The following OR6B3 variants were observed in gnomAD, a reference collection of about 807,000 sequenced individuals.
OR6B3 encodes the protein olfactory receptor 6B3.
For missense variants in OR6B3, 315 were observed against 427.4 expected, an observed-to-expected ratio of 0.74 and a Z score of 2.32; for synonymous variants, 148 against 187.8, an observed-to-expected ratio of 0.79 and a Z score of 1.73.
intron 1 of OR6B3, among the ~76,000 whole-genome samples, chr2:240,046,464 G>A (rs1397063305): frequency 6.6e-6 from 1 of 152,160 alleles, no homozygotes; most frequent in African/African-American, 2.4e-5. Flanking sequence ...AGCCCTGACT[G>A]CCCCAGGCTT....
intron 1 of OR6B3, 71 bp from the exon 3 acceptor site, chr2:240,046,168 C>T (rs1339735091): frequency 9.0e-7 from 1 of 1,112,260 alleles, no homozygotes; most frequent in African/African-American, 1.6e-5. Context: ...GGAGCTGGAC[C>T]TGGATAGGGA....
chr2:240,048,682 G>A (rs6739443), upstream of OR6B3, among the ~76,000 whole-genome samples: 2,410 of 152,290 alleles, frequency 0.016, 59 homozygotes, highest in African/African-American at 0.055. Flanking sequence ...AGTGACAGGG[G>A]TCTGCCCAAA....
At chr2:240,050,554 A>C (rs1698243430), upstream of OR6B3, among the ~76,000 whole-genome samples, 1 of 152,080 alleles carries the variant, frequency 6.6e-6, no homozygotes, top group African/African-American at 2.4e-5. Context: ...TCTCTACTAA[A>C]AATACAAAAC....
chr2:240,053,424 C>G, the OR6B3 span, among the ~76,000 whole-genome samples: 1 of 152,234 alleles, frequency 6.6e-6, no homozygotes, highest in African/African-American at 2.4e-5. The surrounding 1 kb of genome is among the most constrained non-coding windows in gnomAD (Gnocchi z 4.1). Flanking sequence ...TGGCCCCTCT[C>G]TCTGGGAGCA....
At chr2:240,050,721 CAAAA>C (rs61309204), upstream of OR6B3, among the ~76,000 whole-genome samples, 2 of 57,344 alleles carry the variant, frequency 3.5e-5, no homozygotes, top group African/African-American at 9.1e-5. Flanking sequence ...CTCAAAGAGA[CAAAA>C]AAAAAAAAAA....
chr2:240,052,640 T>A, the OR6B3 span, among the ~76,000 whole-genome samples: 1 of 152,148 alleles, frequency 6.6e-6, no homozygotes, highest in South Asian at 2.1e-4. The surrounding 1 kb of genome is among the most constrained non-coding windows in gnomAD (Gnocchi z 4.5). Flanking sequence ...GCATTTCAGA[T>A]GGACAGAGCC....
the OR6B3 span, among the ~76,000 whole-genome samples, chr2:240,052,991 C>T: frequency 2.6e-5 from 4 of 152,066 alleles, no homozygotes; most frequent in Admixed American, 6.5e-5. This position sits in a 1 kb window ranked among gnomAD's most constrained non-coding sequence, Gnocchi z 4.5. Context: ...TTAGTAGAGA[C>T]GGGATTTCGC....
At chr2:240,046,127 G>A in intron 1 of OR6B3, 30 bp from the exon 3 acceptor site, 1 of 1,454,080 alleles carries the variant, frequency 6.9e-7, no homozygotes, top group South Asian at 1.3e-5. Flanking sequence ...AAGAGGAAAG[G>A]GCTGCAGGGA....
At chr2:240,046,168 C>G (rs1339735091) in intron 1 of OR6B3, 71 bp from the exon 3 acceptor site, 2 of 1,112,260 alleles carry the variant, frequency 1.8e-6, no homozygotes, top group Non-Finnish European at 2.6e-6. Flanking sequence ...GGAGCTGGAC[C>G]TGGATAGGGA....
At chr2:240,052,838 G>A in the OR6B3 span, among the ~76,000 whole-genome samples, 1 of 152,050 alleles carries the variant, frequency 6.6e-6, no homozygotes, top group African/African-American at 2.4e-5. The surrounding 1 kb of genome is among the most constrained non-coding windows in gnomAD (Gnocchi z 4.5). Flanking sequence ...TTGAGACAGA[G>A]TCTCACTCTG....
chr2:240,051,736 G>A (rs780855670), upstream of OR6B3, among the ~76,000 whole-genome samples: 1 of 152,176 alleles, frequency 6.6e-6, no homozygotes, highest in Non-Finnish European at 1.5e-5. Flanking sequence ...AAGAGACTTC[G>A]AGGTTAGCAA....
chr2:240,046,922 A>C (rs1698200079), intron 1 of OR6B3, 30 bp downstream of exon 2: 1 of 152,246 alleles, frequency 6.6e-6, no homozygotes, highest in Non-Finnish European at 1.5e-5. Context: ...GGAAAGTCTG[A>C]GACCCAAAAA....
chr2:240,048,480 G>A (rs1044228813), upstream of OR6B3, among the ~76,000 whole-genome samples: 18 of 152,050 alleles, frequency 1.2e-4, no homozygotes, highest in Non-Finnish European at 2.5e-4. Flanking sequence ...GCCGGCTGCA[G>A]GGCTGGTGGA....
chr2:240,046,057 C>T (rs1172889059), exon 2 of OR6B3: 8 of 1,613,026 alleles, frequency 5.0e-6, no homozygotes, highest in African/African-American at 1.3e-5. Context: ...ACCCTGGTGA[C>T]ATTCTCCCCA....
upstream of OR6B3, among the ~76,000 whole-genome samples, chr2:240,050,378 T>A (rs1314068308): frequency 2.0e-5 from 3 of 152,148 alleles, no homozygotes; most frequent in African/African-American, 4.8e-5. Flanking sequence ...GAATAATATA[T>A]CCTCAACACG....
the OR6B3 span, among the ~76,000 whole-genome samples, chr2:240,052,781 T>A: frequency 3.3e-5 from 5 of 152,218 alleles, no homozygotes; most frequent in Non-Finnish European, 7.3e-5. This position sits in a 1 kb window ranked among gnomAD's most constrained non-coding sequence, Gnocchi z 4.5. Context: ...AGCACTGATT[T>A]TTAAAGAATA....
At chr2:240,048,590 C>G (rs1431243532), upstream of OR6B3, among the ~76,000 whole-genome samples, 3 of 152,102 alleles carry the variant, frequency 2.0e-5, no homozygotes, top group Admixed American at 6.5e-5. Context: ...CACTACTGAC[C>G]AAGGCACCAA....
exon 2 of OR6B3, chr2:240,045,127 G>C: frequency 6.2e-7 from 1 of 1,611,830 alleles, no homozygotes; most frequent in Non-Finnish European, 8.5e-7. Flanking sequence ...AGACTAGAAA[G>C]CCTCCCCTCT....
exon 2 of OR6B3, chr2:240,045,214 G>C (rs528699136): frequency 6.2e-7 from 1 of 1,614,218 alleles, no homozygotes; most frequent in East Asian, 2.2e-5. Flanking sequence ...TATATCAAGG[G>C]GTTCAAGATG....
Sources: allele counts gnomAD v4.1 joint callset (sites outside exome capture counted in the v4.1 genomes callset), GRCh38; gene constraint gnomAD v4.1.1; non-coding constraint Gnocchi (gnomAD v3.1); transcripts MANE v1.5; gene names NCBI Gene and HGNC (gene_info 2026-07-23, HGNC 2026-07-21).